The following EEF2K variants were observed in gnomAD, a reference collection of about 807,000 sequenced individuals.
EEF2K encodes the protein eukaryotic elongation factor 2 kinase.
EEF2K carries 70 observed loss-of-function variants against 93.8 expected under a neutral mutation model. The ratio of observed to expected loss-of-function variants is 0.75; its 90% confidence interval spans 0.62 to 0.91. The LOEUF (loss-of-function observed/expected upper bound fraction) is 0.91, where lower values mean the gene tolerates loss of function less well. Ranked by LOEUF, EEF2K falls within the 40% of genes least tolerant of loss-of-function variation. EEF2K has a pLI of 0.00. For synonymous variants in EEF2K, 376 were observed against 380.8 expected (o/e 0.99, Z 0.15); for missense variants, 935 against 972.9 (o/e 0.96, Z 0.52).
chr16:22,252,232 C>G (rs1010128155), intron 6 of EEF2K, among the ~76,000 whole-genome samples: 7 of 152,200 alleles, frequency 4.6e-5, no homozygotes, highest in African/African-American at 1.2e-4. Context: ...AAAGGGAATT[C>G]ATTGCCTTAT....
At chr16:22,271,618 AC>A (rs1297595968) in intron 15 of EEF2K, among the ~76,000 whole-genome samples, 5 of 151,220 alleles carry the variant, frequency 3.3e-5, no homozygotes, top group Non-Finnish European at 7.4e-5. Context: ...GAGGATAAAA[AC>A]CATACACTAC....
rs1042283093 is a variant in EEF2K, at chr16:22,284,269, G to GT, written c.*281dup. ...GAACCAACATACCGTTTTGTGTGTGGTTTTTTTTGTTTGTTTGTTTGTTTG... is the reference window on the plus strand; with the variant it reads ...GAACCAACATACCGTTTTGTGTGTGGTTTTTTTTTGTTTGTTTGTTTGTTTG... On this transcript the variant is annotated 3_prime_UTR_variant, in exon 18 of 18. Transcript: ENST00000263026. 131 of 376,840 alleles carry GT rather than the reference G, an allele frequency of 3.5e-4. No homozygotes were observed. The highest frequency in any genetic ancestry group is 1.2e-3 in the South Asian group (36 of 30,746). The allele number at this position is 376,840 out of a possible 1,614,324, so 23.3% of individuals were successfully genotyped here. A position where few individuals can be genotyped will look rare whatever the true frequency, so the allele number is the denominator to read the frequency against.
chr16:22,213,694 G>A (rs369751228), intron 1 of EEF2K, among the ~76,000 whole-genome samples: 1 of 152,132 alleles, frequency 6.6e-6, no homozygotes, highest in Non-Finnish European at 1.5e-5. Flanking sequence ...GGAGAAAATC[G>A]GTTTCTTTGC....
chr16:22,274,884 G>A (rs561198248), intron 16 of EEF2K, among the ~76,000 whole-genome samples: 43 of 152,274 alleles, frequency 2.8e-4, no homozygotes, highest in African/African-American at 9.4e-4. Context: ...GATTACAGGT[G>A]TGAGCCACCA....
chr16:22,217,686 C>T (rs1051542625), intron 1 of EEF2K, among the ~76,000 whole-genome samples: 1 of 152,156 alleles, frequency 6.6e-6, no homozygotes, highest in Non-Finnish European at 1.5e-5. Flanking sequence ...CTCCCGACCT[C>T]AGGTGATCCA....
chr16:22,266,638 C>A (rs367760094), intron 14 of EEF2K, 50 bp from the exon 15 acceptor site: 2 of 1,584,986 alleles, frequency 1.3e-6, no homozygotes, highest in South Asian at 2.3e-5. Context: ...GTCTTGGGTG[C>A]GGCTTTGGCC....
intron 1 of EEF2K, among the ~76,000 whole-genome samples, chr16:22,214,362 A>T (rs2046940388): frequency 6.6e-6 from 1 of 151,740 alleles, no homozygotes; most frequent in Non-Finnish European, 1.5e-5. Context: ...GGATCACTTG[A>T]GCTTGGGAGA....
intron 6 of EEF2K, among the ~76,000 whole-genome samples, 169 bp from the exon 7 acceptor site, chr16:22,256,576 AGAG>A (rs1225257125): frequency 6.6e-6 from 1 of 152,102 alleles, no homozygotes; most frequent in Admixed American, 6.6e-5. Flanking sequence ...TTAAAGGAAA[AGAG>A]GAGATTAGAT....
intron 10 of EEF2K, among the ~76,000 whole-genome samples, chr16:22,259,575 G>C (rs2047442055): frequency 6.6e-6 from 1 of 152,154 alleles, no homozygotes; most frequent in Admixed American, 6.6e-5. Flanking sequence ...AAAATATTAA[G>C]TGAGTGGATG....
chr16:22,244,269 TTGTG>T (rs200282636), intron 2 of EEF2K, among the ~76,000 whole-genome samples: 14,579 of 139,988 alleles, frequency 0.1, 868 homozygotes, highest in East Asian at 0.25. Context: ...TATATATGTA[TTGTG>T]TGTGTGTGTG....
intron 1 of EEF2K, among the ~76,000 whole-genome samples, chr16:22,210,350 C>G (rs552644559): frequency 3.3e-5 from 5 of 152,242 alleles, no homozygotes; most frequent in African/African-American, 1.2e-4. Context: ...TGCCCTAGGC[C>G]AGCGTTTCTC....
chr16:22,250,573 T>G (rs2047339603), intron 4 of EEF2K, 81 bp from the exon 5 acceptor site: 1 of 1,566,612 alleles, frequency 6.4e-7, no homozygotes, highest in Admixed American at 1.7e-5. Flanking sequence ...ATAGGTGGCA[T>G]GTAAGGGGAG....
chr16:22,260,154 G>A (rs541410441), intron 10 of EEF2K, among the ~76,000 whole-genome samples: 35 of 152,130 alleles, frequency 2.3e-4, no homozygotes, highest in Admixed American at 5.2e-4. Context: ...CCAAGTGGTG[G>A]CCAGGCACAT....
intron 6 of EEF2K, among the ~76,000 whole-genome samples, chr16:22,253,233 C>T (rs1020615367): frequency 1.3e-5 from 2 of 152,226 alleles, no homozygotes; most frequent in South Asian, 4.1e-4. Context: ...GAGGAAGGAT[C>T]CATGCCTCTG....
In EEF2K at chr16:22,287,321, ATCT is replaced by A. The variant is rs993604166; in HGVS notation, c.*3330_*3332del. ...TGTGCCTTCTGAAGATAGTTAGGAC[ATCT>A]TCTTTTTCCGCAAATGCTGGACATG... On this transcript the variant is annotated 3_prime_UTR_variant, in exon 18 of 18. Coordinates refer to ENST00000263026, the MANE Select transcript of EEF2K (RefSeq NM_013302.5). 22 of 152,368 alleles carry A rather than the reference ATCT, an allele frequency of 1.4e-4. No homozygotes were observed. Among genetic ancestry groups the A allele is most frequent in the South Asian group, 8.3e-4 (4 of 4,832 alleles). The allele number at this position is 152,368 out of a possible 1,614,324, so 9.4% of individuals were successfully genotyped here. A position where few individuals can be genotyped will look rare whatever the true frequency, so the allele number is the denominator to read the frequency against.
In EEF2K at chr16:22,286,355, T is replaced by A. The variant is rs919577426; in HGVS notation, c.*2359T>A. 1 of 152,228 alleles carries A rather than the reference T, an allele frequency of 6.6e-6. No homozygotes were observed. Among genetic ancestry groups the A allele is most frequent in the Admixed American group, 6.5e-5 (1 of 15,274 alleles). 9.4% of individuals were successfully genotyped at this position (152,228 alleles called of 1,614,324 possible). ...CAAGCCTCACGTAATTCATGCTTTTTAAATTCAGCCAGCCCCCCCTCTCTG... is the reference window on the plus strand; with the variant it reads ...CAAGCCTCACGTAATTCATGCTTTTAAAATTCAGCCAGCCCCCCCTCTCTG... On this transcript the variant is annotated 3_prime_UTR_variant, in exon 18 of 18. Coordinates refer to ENST00000263026, the MANE Select transcript of EEF2K (RefSeq NM_013302.5).
In EEF2K at chr16:22,257,323, A is replaced by G; in HGVS notation, c.839A>G (p.Asp280Gly). 1 of 1,613,786 alleles carries G rather than the reference A, an allele frequency of 6.2e-7. No homozygotes were observed. Among genetic ancestry groups the G allele is most frequent in the Non-Finnish European group, 8.5e-7 (1 of 1,179,950 alleles). Residue 280 changes from aspartate to glycine, a missense_variant, in exon 8 of 18, where the codon GAT (aspartate) becomes GGT (glycine). By Grantham distance (94) the Asp-to-Gly change is moderately conservative. Transcript: ENST00000263026. Reference sequence around the variant, plus strand: ...GTGGTGGACATCCAGGGAGTTGGGGATCTCTACACTGACCCACAGATCCAC... The same window carrying G: ...GTGGTGGACATCCAGGGAGTTGGGGGTCTCTACACTGACCCACAGATCCAC... ...LIVVDIQGVGDLYTDPQIHTE... is the reference protein window; with the variant it reads ...LIVVDIQGVGGLYTDPQIHTE...
At chr16:22,283,791 G>C in intron 17 of EEF2K, 96 bp from the exon 18 acceptor site, 1 of 1,202,722 alleles carries the variant, frequency 8.3e-7, no homozygotes, top group East Asian at 2.6e-5. Flanking sequence ...TTAAGGAAAC[G>C]TCAGGGTGTT....
intron 2 of EEF2K, among the ~76,000 whole-genome samples, chr16:22,239,365 T>C (rs1215833420): frequency 6.6e-6 from 1 of 152,170 alleles, no homozygotes; most frequent in South Asian, 2.1e-4. Context: ...GAATTGTGTG[T>C]CGTAGACAGA....
Sources: allele counts gnomAD v4.1 joint callset (sites outside exome capture counted in the v4.1 genomes callset), GRCh38; gene constraint gnomAD v4.1.1; transcripts MANE v1.5; gene names NCBI Gene and HGNC (gene_info 2026-07-23, HGNC 2026-07-21).